Variants in CLMN observed in about 807,000 individuals in gnomAD.
The protein encoded by CLMN is calmin (calponin-like, transmembrane).
In CLMN, 57 loss-of-function variants were observed where a neutral mutation model predicts 92.7. The observed-to-expected ratio is 0.61, with a 90% CI of 0.50 to 0.77. The LOEUF (loss-of-function observed/expected upper bound fraction) is 0.77. CLMN is among the 30% of genes least tolerant of loss of function. The probability of loss-of-function intolerance (pLI) is 0.00; values close to 1 mark genes in which losing one functional copy is unlikely to be tolerated. For missense variants in CLMN, 1,158 were observed against 1,237.5 expected (o/e 0.94, Z 0.96); for synonymous variants, 466 against 470.6 (o/e 0.99, Z 0.13).
chr14:95,191,383 T>C lies in CLMN; in HGVS notation c.*181A>G, dbSNP rs1436047392. The C allele has an allele frequency of 1.1e-5, 5 of 448,886 alleles. No individual in the cohort carries two copies. The highest frequency in any genetic ancestry group is 1.5e-5 in the Non-Finnish European group (4 of 260,052). 27.8% of individuals were successfully genotyped at this position (448,886 alleles called of 1,614,324 possible). ...GCCAAAGAAAAAAGCATGCTCAGGT[T>C]GTCCAGAAAAAAAAGGAAACCTGAA... is the stretch of plus-strand genomic sequence containing the variant. On this transcript the variant is annotated 3_prime_UTR_variant, in exon 13 of 13. Transcript: ENST00000298912. This position sits in a 1 kb window ranked among gnomAD's most constrained non-coding sequence, Gnocchi z 5.3.
intron 1 of CLMN, among the ~76,000 whole-genome samples, chr14:95,257,644 G>T (rs1899054393): frequency 6.6e-6 from 1 of 152,196 alleles, no homozygotes; most frequent in Admixed American, 6.5e-5. Context: ...CCCTTGTCTT[G>T]CAGCCTGCCT....
intron 1 of CLMN, among the ~76,000 whole-genome samples, chr14:95,257,540 G>T (rs1373296827): frequency 6.6e-6 from 1 of 152,244 alleles, no homozygotes; most frequent in Admixed American, 6.5e-5. Context: ...GGGTGGGACG[G>T]CACGCAAGCT....
At position 95,183,311 on chromosome 14, in the gene CLMN, A is replaced by C. The variant is rs1262039893; in HGVS notation, c.*8253T>G. On this transcript the variant is annotated 3_prime_UTR_variant, in exon 13 of 13. Transcript: ENST00000298912. ...TTTAGCAATACTGGCATTCTGGCAC[A>C]GCATGGGCTTGTAGAGAATACACAC... 1.3e-5 allele frequency: 2 copies of C among 152,268 alleles called. No homozygotes were observed. The highest frequency in any genetic ancestry group is 2.9e-5 in the Non-Finnish European group (2 of 68,048). 9.4% of individuals were successfully genotyped at this position (152,268 alleles called of 1,614,324 possible). A position where few individuals can be genotyped will look rare whatever the true frequency, so the allele number is the denominator to read the frequency against.
rs1234888895 is a variant in CLMN, at chr14:95,182,118, A to G, written c.*9446T>C. ...AGCCATTTATATCTTAATTTACAGT[A>G]ATCAATAAATAAGACGGCACATTCA... is the stretch of plus-strand genomic sequence containing the variant. On this transcript the variant is annotated 3_prime_UTR_variant, in exon 13 of 13. Coordinates refer to ENST00000298912, the MANE Select transcript of CLMN (RefSeq NM_024734.4). 6.6e-6 allele frequency: 1 copy of G among 152,258 alleles called. No individual in the cohort carries two copies. 9.4% of individuals were successfully genotyped at this position (152,258 alleles called of 1,614,324 possible).
chr14:95,234,464 T>A (rs1897987962), intron 1 of CLMN, among the ~76,000 whole-genome samples: 1 of 152,240 alleles, frequency 6.6e-6, no homozygotes, highest in Admixed American at 6.5e-5. Context: ...GGCCCCTTTT[T>A]TCCTATCACA....
In CLMN at chr14:95,245,270, T is replaced by TAA. The variant is rs1427351722; in HGVS notation, c.83-15138_83-15137insTT. The stretch of plus-strand genomic sequence containing the variant: ...TATATATATAATATATATATATATA[T>TAA]TATATATATATAGTTTTGTTTTGTT... On this transcript the variant is annotated intron_variant, in intron 1 of 12. Transcript: ENST00000298912. Among the ~76,000 whole-genome samples the TAA allele has an allele frequency of 9.5e-4, 51 of 53,724 alleles. 1 individual carries two copies. Among genetic ancestry groups the TAA allele is most frequent in the East Asian group, 1.5e-3 (3 of 1,936 alleles). The allele number at this position is 53,724 out of a possible 152,430, so 35.2% of individuals were successfully genotyped here. A position where few individuals can be genotyped will look rare whatever the true frequency, so the allele number is the denominator to read the frequency against.
chr14:95,314,537 T>C (rs1453007223), intron 1 of CLMN, among the ~76,000 whole-genome samples: 1 of 152,016 alleles, frequency 6.6e-6, no homozygotes, highest in Non-Finnish European at 1.5e-5. Flanking sequence ...AATCCAACCC[T>C]CTCATTTTGC....
chr14:95,319,870 G>C lies in CLMN; in HGVS notation c.-78C>G, dbSNP rs1901974459. 11 of 788,852 alleles carry C rather than the reference G, an allele frequency of 1.4e-5. No individual in the cohort carries two copies. In the South Asian group the frequency reaches 1.7e-4, roughly 12 times the overall value. The allele number at this position is 788,852 out of a possible 1,614,324, so 48.9% of individuals were successfully genotyped here. On this transcript the variant is annotated 5_prime_UTR_variant, in exon 1 of 13. Coordinates refer to ENST00000298912, the MANE Select transcript of CLMN (RefSeq NM_024734.4). ...GAGCCTGGCTGGCGGGCGCGCGAGC[G>C]GCACGCACCCGGCGAGGGCGCCGCG...
intron 1 of CLMN, among the ~76,000 whole-genome samples, 171 bp from the exon 2 acceptor site, chr14:95,230,304 C>G (rs1027627708): frequency 3.9e-5 from 6 of 152,384 alleles, no homozygotes; most frequent in East Asian, 3.9e-4. Context: ...CTGGCACCCA[C>G]AACCCATGCT....
chr14:95,272,824 G>C (rs874910), intron 1 of CLMN, among the ~76,000 whole-genome samples: 1 of 152,146 alleles, frequency 6.6e-6, no homozygotes. Context: ...AAGGGAAAAC[G>C]TTGGGGCCAA....
rs1194306550 is a variant in CLMN, at chr14:95,245,254, AAT to A, written c.83-15123_83-15122del. ...ATATATATATTATATATATATATATAATATATATATATATATTATATATATAT... is the reference window on the plus strand; with the variant it reads ...ATATATATATTATATATATATATATAATATATATATATATTATATATATAT... On this transcript the variant is annotated intron_variant, in intron 1 of 12. Transcript: ENST00000298912. Among the ~76,000 whole-genome samples, 104 of 27,950 alleles carry A rather than the reference AAT, an allele frequency of 3.7e-3. 1 individual carries two copies. The highest frequency in any genetic ancestry group is 0.013 in the East Asian group (16 of 1,230). 18.3% of individuals were successfully genotyped at this position (27,950 alleles called of 152,430 possible).
intron 7 of CLMN, among the ~76,000 whole-genome samples, chr14:95,209,899 C>A (rs1212988578): frequency 6.6e-6 from 1 of 152,210 alleles, no homozygotes; most frequent in Non-Finnish European, 1.5e-5. Context: ...GGCTCTCCCC[C>A]TCTGTCATTC....
chr14:95,222,042 C>G (rs1267389571), intron 3 of CLMN, among the ~76,000 whole-genome samples: 1 of 152,194 alleles, frequency 6.6e-6, no homozygotes, highest in African/African-American at 2.4e-5. Context: ...TTGGGGGGAA[C>G]TGAAGTGGGT....
At chr14:95,275,720 T>C (rs1899899398) in intron 1 of CLMN, among the ~76,000 whole-genome samples, 1 of 152,242 alleles carries the variant, frequency 6.6e-6, no homozygotes, top group African/African-American at 2.4e-5. Flanking sequence ...TGCAGTGCAA[T>C]GGCGTGACGT....
At chr14:95,295,552 G>A (rs955716289) in intron 1 of CLMN, among the ~76,000 whole-genome samples, 9 of 152,220 alleles carry the variant, frequency 5.9e-5, no homozygotes, top group Non-Finnish European at 1.3e-4. Flanking sequence ...TGTCAGGAGA[G>A]GACTCAGAAG....
intron 1 of CLMN, among the ~76,000 whole-genome samples, chr14:95,235,939 G>A (rs1440696035): frequency 6.6e-6 from 1 of 152,202 alleles, no homozygotes; most frequent in South Asian, 2.1e-4. Context: ...GTGAGCTGCA[G>A]CACAGCATGG....
chr14:95,220,843 AG>A (rs1279915265), intron 4 of CLMN, among the ~76,000 whole-genome samples: 2 of 152,120 alleles, frequency 1.3e-5, no homozygotes, highest in African/African-American at 4.8e-5. Flanking sequence ...GGCTGCCCAG[AG>A]GTTGCAGGGG....
intron 1 of CLMN, among the ~76,000 whole-genome samples, chr14:95,310,575 T>A (rs967804189): frequency 1.3e-5 from 2 of 152,244 alleles, no homozygotes; most frequent in African/African-American, 4.8e-5. Flanking sequence ...TTGTCCAGCC[T>A]ACAACGCTTC....
At chr14:95,299,114 C>G (rs964103390) in intron 1 of CLMN, among the ~76,000 whole-genome samples, 1 of 152,174 alleles carries the variant, frequency 6.6e-6, no homozygotes, top group African/African-American at 2.4e-5. Context: ...AGACAAAAAT[C>G]CTGCCCTGTT....
Sources: gnomAD v4.1 joint callset for allele counts (sites outside exome capture counted in the v4.1 genomes callset) on GRCh38, gnomAD v4.1.1 for gene constraint, Gnocchi (gnomAD v3.1) non-coding constraint, MANE v1.5 for transcripts, NCBI Gene and HGNC (gene_info 2026-07-23, HGNC 2026-07-21) for gene names.